VPS8: variants seen among roughly 807,000 people sequenced by gnomAD.
VPS8 encodes VPS8 subunit of CORVET complex.
In VPS8, 129 loss-of-function variants were observed where a neutral mutation model predicts 216.4. That is an observed-to-expected ratio of 0.60 (90% CI 0.52 to 0.69). The LOEUF (loss-of-function observed/expected upper bound fraction) is 0.69, where lower values mean the gene tolerates loss of function less well. Ranked by LOEUF, VPS8 falls within the 30% of genes least tolerant of loss-of-function variation. The pLI, the probability that VPS8 is intolerant of heterozygous loss-of-function variation, is 0.00. For synonymous variants in VPS8, 571 were observed against 565.4 expected (o/e 1.01, Z -0.14); for missense variants, 1,531 against 1,683.5 (o/e 0.91, Z 1.59).
intron 24 of VPS8, among the ~76,000 whole-genome samples, chr3:184,898,865 T>C (rs2108970760): frequency 6.6e-6 from 1 of 152,306 alleles, no homozygotes; most frequent in African/African-American, 2.4e-5. Flanking sequence ...TCTAAATAAG[T>C]AGGTATTTAA....
chr3:184,941,203 A>G (rs1345806171), intron 36 of VPS8, among the ~76,000 whole-genome samples: 1 of 112,246 alleles, frequency 8.9e-6, no homozygotes, highest in Non-Finnish European at 2.1e-5. Context: ...CCAAAATACC[A>G]GTAATTTTGT....
intron 32 of VPS8, 79 bp downstream of exon 32, chr3:184,928,612 T>C: frequency 9.6e-7 from 1 of 1,044,400 alleles, no homozygotes; most frequent in East Asian, 3.1e-5. Context: ...CTCAGTTTAT[T>C]GATACATTGC....
At chr3:185,037,958 G>A (rs1391434010) in intron 46 of VPS8, among the ~76,000 whole-genome samples, 1 of 152,130 alleles carries the variant, frequency 6.6e-6, no homozygotes, top group Non-Finnish European at 1.5e-5. Context: ...TCTGACATCT[G>A]TTTACTCTTC....
At chr3:184,913,626 G>A in intron 26 of VPS8, 65 bp downstream of exon 26, 5 of 1,327,004 alleles carry the variant, frequency 3.8e-6, no homozygotes, top group Non-Finnish European at 5.2e-6. Flanking sequence ...TATTTTTAGA[G>A]ATACTATGAT....
chr3:184,886,455 A>G (rs1448099740), intron 22 of VPS8, among the ~76,000 whole-genome samples: 3 of 141,868 alleles, frequency 2.1e-5, no homozygotes, highest in African/African-American at 7.5e-5. Context: ...ATGATTCATT[A>G]TATGTATATA....
chr3:184,844,624 A>G (rs1315693763), intron 8 of VPS8, among the ~76,000 whole-genome samples: 1 of 152,268 alleles, frequency 6.6e-6, no homozygotes. Flanking sequence ...AGTATGTTCA[A>G]ATTTAGATTT....
At chr3:184,944,969 C>T (rs969589496) in intron 36 of VPS8, among the ~76,000 whole-genome samples, 3 of 151,980 alleles carry the variant, frequency 2.0e-5, no homozygotes, top group Non-Finnish European at 4.4e-5. Context: ...TGTTCATGAA[C>T]TTTGACATAT....
chr3:185,035,200 C>T (rs1368561594), intron 46 of VPS8, among the ~76,000 whole-genome samples: 1 of 152,116 alleles, frequency 6.6e-6, no homozygotes, highest in East Asian at 1.9e-4. Flanking sequence ...GAACTGATAT[C>T]AATCCTACTG....
chr3:184,966,666 C>G lies in VPS8; in HGVS notation c.3274-5C>G, dbSNP rs1747456456. On this transcript the variant is annotated splice_region_variant and splice_polypyrimidine_tract_variant and intron_variant, in intron 38 of 47. Transcript: ENST00000625842. ...TTTAACTCCTATGTTCTTTTTATCTCCTAGAGACTACAAAGCAAACTTCAA... is the reference window on the plus strand; with the variant it reads ...TTTAACTCCTATGTTCTTTTTATCTGCTAGAGACTACAAAGCAAACTTCAA... 6.3e-7 allele frequency: 1 copy of G among 1,579,546 alleles called. No homozygotes were observed. Among genetic ancestry groups the G allele is most frequent in the Non-Finnish European group, 8.6e-7 (1 of 1,158,300 alleles).
Position 184,830,093 on chromosome 3 carries a change from G to A in VPS8, c.223-2596G>A, listed in dbSNP as rs573500974. 3.9e-5 allele frequency among the ~76,000 whole-genome samples: 6 copies of A among 152,150 alleles called. No homozygotes were observed. In the South Asian group the frequency reaches 8.3e-4, roughly 21 times the overall value. On this transcript the variant is annotated intron_variant, in intron 3 of 47. Coordinates refer to ENST00000625842, the MANE Select transcript of VPS8 (RefSeq NM_001009921.3). Reference sequence around the variant, plus strand: ...TTTCCAATTCTGATGTTATGATGATGTTACCCTATTTTGTTCTAAAATCTT... The same window carrying A: ...TTTCCAATTCTGATGTTATGATGATATTACCCTATTTTGTTCTAAAATCTT...
chr3:184,911,944 C>G (rs543197907), intron 25 of VPS8, among the ~76,000 whole-genome samples: 1 of 152,204 alleles, frequency 6.6e-6, no homozygotes, highest in Non-Finnish European at 1.5e-5. Flanking sequence ...TTGTGTCCGG[C>G]GTAGTGCCCA....
Position 184,900,831 on chromosome 3 carries a change from G to A in VPS8, c.2095-90G>A, listed in dbSNP as rs80327895. Reference sequence around the variant, plus strand: ...TAATGGTAAATGACTAATTCCATTAGCGAATGGTGATGAATAGCATAAGAT... The same window carrying A: ...TAATGGTAAATGACTAATTCCATTAACGAATGGTGATGAATAGCATAAGAT... On this transcript the variant is annotated intron_variant, in intron 24 of 47. Coordinates refer to ENST00000625842, the MANE Select transcript of VPS8 (RefSeq NM_001009921.3). The A allele has an allele frequency of 2.4e-3, 2,622 of 1,107,824 alleles. 49 individuals carry two copies. In the African/African-American group the frequency reaches 0.037, roughly 16 times the overall value. 68.6% of individuals were successfully genotyped at this position (1,107,824 alleles called of 1,614,324 possible). A position where few individuals can be genotyped will look rare whatever the true frequency, so the allele number is the denominator to read the frequency against.
intron 22 of VPS8, among the ~76,000 whole-genome samples, chr3:184,890,663 A>AT (rs749453865): frequency 3.6e-4 from 55 of 152,048 alleles, no homozygotes; most frequent in Middle Eastern, 6.4e-3. Flanking sequence ...ATGTAAAATC[A>AT]TTTTTACTAT....
intron 46 of VPS8, among the ~76,000 whole-genome samples, chr3:185,029,006 C>T (rs1263991353): frequency 6.6e-6 from 1 of 152,176 alleles, no homozygotes; most frequent in African/African-American, 2.4e-5. Context: ...ATAAATGAAA[C>T]ATCATTGCTG....
At chr3:185,014,610 T>C (rs376785670) in intron 45 of VPS8, among the ~76,000 whole-genome samples, 1 of 152,356 alleles carries the variant, frequency 6.6e-6, no homozygotes, top group African/African-American at 2.4e-5. Flanking sequence ...GCTGATAGCA[T>C]CTGGCCTTTA....
chr3:184,868,174 A>C (rs982358945), intron 18 of VPS8, 115 bp downstream of exon 18: 4 of 1,121,184 alleles, frequency 3.6e-6, no homozygotes, highest in Non-Finnish European at 5.2e-6. Flanking sequence ...TCAGAAGTGT[A>C]CAAGAAAACC....
Position 185,017,247 on chromosome 3 carries a change from A to G in VPS8, c.4003-7089A>G, listed in dbSNP as rs186761595. On this transcript the variant is annotated intron_variant, in intron 45 of 47. Coordinates refer to ENST00000625842, the MANE Select transcript of VPS8 (RefSeq NM_001009921.3). ...TTCAGGGGCTTTACCAACTCCAGCTATGTTAAATTGAGCAGGTTGAATTGG... is the reference window on the plus strand; with the variant it reads ...TTCAGGGGCTTTACCAACTCCAGCTGTGTTAAATTGAGCAGGTTGAATTGG... 1.6e-4 allele frequency among the ~76,000 whole-genome samples: 24 copies of G among 152,220 alleles called. No homozygotes were observed. The East Asian group carries it at 4.1e-3, about 26-fold the overall frequency.
chr3:184,926,443 A>T (rs924683647), intron 30 of VPS8, 151 bp from the exon 31 acceptor site: 1 of 633,052 alleles, frequency 1.6e-6, no homozygotes, highest in African/African-American at 1.9e-5. Context: ...GTACTGGGTT[A>T]ATCAGTTGGG....
At chr3:184,955,964 A>G (rs1294379753) in intron 36 of VPS8, among the ~76,000 whole-genome samples, 1 of 11,028 alleles carries the variant, frequency 9.1e-5, no homozygotes, top group East Asian at 3.7e-3. Flanking sequence ...CAGTTATAAG[A>G]TACAAAAAAA....
Sources: gnomAD v4.1 joint callset for allele counts (sites outside exome capture counted in the v4.1 genomes callset) on GRCh38, gnomAD v4.1.1 for gene constraint, MANE v1.5 for transcripts, NCBI Gene and HGNC (gene_info 2026-07-23, HGNC 2026-07-21) for gene names.